Variants in HADHB observed in about 807,000 individuals in gnomAD.
The protein encoded by HADHB is hydroxyacyl-CoA dehydrogenase trifunctional multienzyme complex subunit beta, also known as trifunctional enzyme subunit beta, mitochondrial.
Under a neutral mutation model 61.9 loss-of-function variants are expected in HADHB, and 50 were observed. That is an observed-to-expected ratio of 0.81 (90% CI 0.64 to 1.02). The LOEUF is 1.02. Among genes scored for constraint, HADHB ranks in the 50% least tolerant of loss-of-function variants. HADHB has a pLI of 0.00. For missense variants in HADHB, 504 were observed against 586.5 expected, an observed-to-expected ratio of 0.86 and a Z score of 1.45; for synonymous variants, 191 against 201.6, an observed-to-expected ratio of 0.95 and a Z score of 0.45.
chr2:26,261,901 C>G (rs1321078121), intron 3 of HADHB, among the ~76,000 whole-genome samples: 3 of 151,748 alleles, frequency 2.0e-5, no homozygotes, highest in South Asian at 2.1e-4. Context: ...CTTTCTATAT[C>G]TGATTGGTTG....
rs1553321986 is a variant in HADHB at position 26,278,819 on chromosome 2, A to G, written c.630+18A>G. The G allele has an allele frequency of 6.2e-7, 1 of 1,601,890 alleles. No individual in the cohort carries two copies. The highest frequency in any genetic ancestry group is 1.3e-5 in the African/African-American group (1 of 74,680). On this transcript the variant is annotated intron_variant, in intron 8 of 15. Transcript: ENST00000317799. ...CACCTGAGGTAAGGCTTGTGTTTGC[A>G]GGGCATCCCACTGCAGAGATTTAGA...
intron 10 of HADHB, among the ~76,000 whole-genome samples, chr2:26,281,427 C>T (rs1349094033): frequency 6.6e-6 from 1 of 152,134 alleles, no homozygotes; most frequent in African/African-American, 2.4e-5. Context: ...TGGAGTAGTT[C>T]CAACAGGATG....
At chr2:26,284,024 A>C in intron 12 of HADHB, 93 bp from the exon 13 acceptor site, 1 of 740,442 alleles carries the variant, frequency 1.4e-6, no homozygotes, top group Middle Eastern at 3.7e-4. Flanking sequence ...AAAAGACATT[A>C]GAGTACCTAT....
chr2:26,261,175 C>G lies in HADHB; in HGVS notation c.110-2205C>G, dbSNP rs914002603. On this transcript the variant is annotated intron_variant, in intron 3 of 15. Coordinates refer to ENST00000317799, the MANE Select transcript of HADHB (RefSeq NM_000183.3). The stretch of plus-strand genomic sequence containing the variant: ...AGCAGGGCAACTCCCTTTAGAGGGG[C>G]CTGTGGGATGTCCAAAACAACAACA... 1.1e-5 allele frequency: 6 copies of G among 546,884 alleles called. No individual in the cohort carries two copies. In the East Asian group the frequency reaches 1.8e-4, roughly 16 times the overall value. 33.9% of individuals were successfully genotyped at this position (546,884 alleles called of 1,614,324 possible).
intron 6 of HADHB, among the ~76,000 whole-genome samples, chr2:26,274,535 G>A (rs922607333): frequency 6.6e-6 from 1 of 152,188 alleles, no homozygotes; most frequent in African/African-American, 2.4e-5. Context: ...TCTGTACCTG[G>A]CAGAAATGTT....
At chr2:26,257,992 C>T (rs1671701869) in intron 3 of HADHB, among the ~76,000 whole-genome samples, 1 of 151,846 alleles carries the variant, frequency 6.6e-6, no homozygotes, top group Admixed American at 6.6e-5. Flanking sequence ...GTACTCTAGC[C>T]TGGGGACAGA....
At chr2:26,246,530 G>A (rs180815895) in intron 1 of HADHB, among the ~76,000 whole-genome samples, 10 of 151,876 alleles carry the variant, frequency 6.6e-5, no homozygotes, top group Non-Finnish European at 1.5e-4. Flanking sequence ...TAGTAGAGAC[G>A]GGGTTTCACC....
At chr2:26,273,389 A>G (rs1672423772) in intron 5 of HADHB, among the ~76,000 whole-genome samples, 1 of 151,982 alleles carries the variant, frequency 6.6e-6, no homozygotes, top group Non-Finnish European at 1.5e-5. Context: ...TTTCTTATCT[A>G]TTTTATTCTA....
intron 1 of HADHB, among the ~76,000 whole-genome samples, chr2:26,246,829 TG>T (rs1270660782): frequency 9.9e-5 from 15 of 152,120 alleles, no homozygotes; most frequent in African/African-American, 3.4e-4. Context: ...TTTAGTCCAA[TG>T]GTTTATATAG....
At chr2:26,260,991 T>G (rs1379121155) in intron 3 of HADHB, 3 of 1,510,840 alleles carry the variant, frequency 2.0e-6, no homozygotes, top group Non-Finnish European at 2.7e-6. Context: ...AGAGAGAATC[T>G]GACCAACACA....
chr2:26,247,600 A>G (rs914892517), intron 1 of HADHB, among the ~76,000 whole-genome samples: 1 of 152,230 alleles, frequency 6.6e-6, no homozygotes, highest in Non-Finnish European at 1.5e-5. Flanking sequence ...CTACATCCTC[A>G]GATTCAACCA....
At chr2:26,263,951 A>G (rs1176495355) in intron 4 of HADHB, among the ~76,000 whole-genome samples, 1 of 152,248 alleles carries the variant, frequency 6.6e-6, no homozygotes, top group Admixed American at 6.5e-5. Flanking sequence ...GTGGGACCAG[A>G]ATGGTCCTAG....
chr2:26,273,606 C>T lies in HADHB; in HGVS notation c.255-45C>T, dbSNP rs749872689. 1.1e-5 allele frequency: 12 copies of T among 1,048,528 alleles called. No homozygotes were observed. In the Admixed American group the frequency reaches 2.0e-4, roughly 18 times the overall value. The allele number at this position is 1,048,528 out of a possible 1,614,324, so 65.0% of individuals were successfully genotyped here. A position where few individuals can be genotyped will look rare whatever the true frequency, so the allele number is the denominator to read the frequency against. On this transcript the variant is annotated intron_variant, in intron 5 of 15. Transcript: ENST00000317799. The stretch of plus-strand genomic sequence containing the variant: ...TTTTGTGTGATGATCTCTGGCACTG[C>T]CTTGATGTGTGAAATGTTTCTTTGC...
intron 1 of HADHB, 69 bp downstream of exon 1, chr2:26,245,059 A>G: frequency 4.8e-6 from 1 of 209,422 alleles, no homozygotes. Context: ...CCTTCCCCGC[A>G]ACTGTCGCCG....
At chr2:26,289,704 A>G (rs1574674147) in intron 15 of HADHB, among the ~76,000 whole-genome samples, 1 of 152,186 alleles carries the variant, frequency 6.6e-6, no homozygotes, top group South Asian at 2.1e-4. Context: ...TGTGATGCCC[A>G]CAAAAACTCT....
intron 3 of HADHB, among the ~76,000 whole-genome samples, chr2:26,263,008 T>A (rs1574650175): frequency 6.6e-6 from 1 of 152,056 alleles, no homozygotes; most frequent in African/African-American, 2.4e-5. Flanking sequence ...TCTTAAAAAA[T>A]GTAAAAGTAG....
At chr2:26,280,809 C>T (rs913232372) in intron 10 of HADHB, among the ~76,000 whole-genome samples, 10 of 126,640 alleles carry the variant, frequency 7.9e-5, no homozygotes, top group African/African-American at 1.2e-4. Flanking sequence ...GAGCCAAGAT[C>T]GCACCATTGC....
chr2:26,273,769 A>T lies in HADHB; in HGVS notation c.354+19A>T. 8.1e-7 allele frequency: 1 copy of T among 1,229,468 alleles called. No homozygotes were observed. Among genetic ancestry groups the T allele is most frequent in the Non-Finnish European group, 1.2e-6 (1 of 828,778 alleles). 76.2% of individuals were successfully genotyped at this position (1,229,468 alleles called of 1,614,324 possible). On this transcript the variant is annotated intron_variant, in intron 6 of 15. Transcript: ENST00000317799. ...TAGAGAGGTGAGTAAAACAAACTTT[A>T]TGTTGTTTAAAGAGTGATAGGAGAA...
intron 1 of HADHB, among the ~76,000 whole-genome samples, chr2:26,246,066 C>G (rs1163599978): frequency 2.0e-5 from 3 of 152,162 alleles, no homozygotes; most frequent in Non-Finnish European, 4.4e-5. Flanking sequence ...GAGTGCTCAT[C>G]ATGTGAGCAC....
Sources: allele counts gnomAD v4.1 joint callset (sites outside exome capture counted in the v4.1 genomes callset), GRCh38; gene constraint gnomAD v4.1.1; transcripts MANE v1.5; gene names NCBI Gene and HGNC (gene_info 2026-07-23, HGNC 2026-07-21).